The following SAMMSON variants were observed in gnomAD, a reference collection of about 807,000 sequenced individuals.
The protein encoded by SAMMSON is survival associated mitochondrial melanoma specific oncogenic non-coding RNA.
intron 1 of SAMMSON, chr3:70,009,012 T>C (rs1452896544): frequency 2.0e-5 from 3 of 152,200 alleles, no homozygotes; most frequent in Non-Finnish European, 4.4e-5. Flanking sequence ...GTGGATAAGC[T>C]TTTTGATGTG....
intron 4 of SAMMSON, among the ~76,000 whole-genome samples, chr3:70,191,836 T>A (rs946635168): frequency 6.6e-6 from 1 of 151,282 alleles, no homozygotes; most frequent in African/African-American, 2.4e-5. Context: ...ATTGGTTATT[T>A]GCCGTGTAAC....
chr3:70,031,971 C>T (rs1287618951), intron 3 of SAMMSON, among the ~76,000 whole-genome samples: 1 of 152,140 alleles, frequency 6.6e-6, no homozygotes, highest in Admixed American at 6.5e-5. Flanking sequence ...GTAAAGATTA[C>T]TTATGAGTTG....
At chr3:70,013,382 CTCAGTTATAG>C (rs2107577849) in intron 2 of SAMMSON, 1 of 152,220 alleles carries the variant, frequency 6.6e-6, no homozygotes, top group African/African-American at 2.4e-5. Flanking sequence ...ATAGTAAGTG[CTCAGTTATAG>C]TCAGTCATGT....
intron 4 of SAMMSON, among the ~76,000 whole-genome samples, chr3:70,184,552 C>T (rs924446620): frequency 6.6e-6 from 1 of 152,194 alleles, no homozygotes; most frequent in East Asian, 1.9e-4. Context: ...ATAGTTAACA[C>T]GTATCTTTAG....
At chr3:70,276,524 C>T (rs1359558282) in intron 6 of SAMMSON, among the ~76,000 whole-genome samples, 1 of 152,096 alleles carries the variant, frequency 6.6e-6, no homozygotes, top group East Asian at 1.9e-4. Flanking sequence ...ATGATTCATT[C>T]CATGTTTATT....
At chr3:70,234,639 C>CA (rs34609524) in intron 4 of SAMMSON, among the ~76,000 whole-genome samples, 3,243 of 118,732 alleles carry the variant, frequency 0.027, 116 homozygotes, top group Admixed American at 0.11. Context: ...GACCCTGGCT[C>CA]AAAAAAAAAA....
chr3:70,061,303 G>A (rs1381285388), intron 3 of SAMMSON, among the ~76,000 whole-genome samples: 1 of 152,134 alleles, frequency 6.6e-6, no homozygotes, highest in Non-Finnish European at 1.5e-5. Flanking sequence ...CCATGACCAA[G>A]TCTAGGGACC....
At chr3:70,129,269 A>G (rs1017670050) in intron 4 of SAMMSON, among the ~76,000 whole-genome samples, 1 of 152,190 alleles carries the variant, frequency 6.6e-6, no homozygotes, top group Non-Finnish European at 1.5e-5. Context: ...TTAAGTACTT[A>G]CTGTGTTCCA....
chr3:70,174,486 A>G (rs986811475), intron 4 of SAMMSON, among the ~76,000 whole-genome samples: 4 of 152,058 alleles, frequency 2.6e-5, no homozygotes, highest in African/African-American at 9.7e-5. Context: ...TAAGCAAGGC[A>G]TAACGTAGAG....
intron 3 of SAMMSON, among the ~76,000 whole-genome samples, chr3:70,020,069 A>G (rs569170550): frequency 6.6e-6 from 1 of 152,284 alleles, no homozygotes; most frequent in South Asian, 2.1e-4. Flanking sequence ...AGAGTTAAAA[A>G]TGCTCTTGTG....
intron 4 of SAMMSON, among the ~76,000 whole-genome samples, chr3:70,083,882 A>G (rs570735079): frequency 6.6e-6 from 1 of 152,146 alleles, no homozygotes; most frequent in South Asian, 2.1e-4. Context: ...TTCTAGTGAA[A>G]CTGTAAGCTG....
At chr3:70,346,530 T>C (rs910942699) in intron 7 of SAMMSON, among the ~76,000 whole-genome samples, 4 of 152,102 alleles carry the variant, frequency 2.6e-5, no homozygotes, top group Non-Finnish European at 4.4e-5. Context: ...CCTTTTAAAC[T>C]TTCCTCCATA....
At chr3:70,172,652 G>A (rs371985693) in intron 4 of SAMMSON, 1 of 151,984 alleles carries the variant, frequency 6.6e-6, no homozygotes, top group East Asian at 1.9e-4. Flanking sequence ...AAAAGGGGAA[G>A]GGCTAAGGGC....
At chr3:70,287,399 G>A (rs1226252490) in intron 6 of SAMMSON, among the ~76,000 whole-genome samples, 1 of 151,280 alleles carries the variant, frequency 6.6e-6, no homozygotes, top group African/African-American at 2.4e-5. Context: ...TGCATCCCAG[G>A]GATGAAGCCC....
intron 4 of SAMMSON, among the ~76,000 whole-genome samples, chr3:70,207,592 A>C (rs1455897715): frequency 6.6e-6 from 1 of 152,052 alleles, no homozygotes; most frequent in Non-Finnish European, 1.5e-5. Flanking sequence ...TCCCCAATAC[A>C]ACAAATCCTA....
intron 4 of SAMMSON, among the ~76,000 whole-genome samples, chr3:70,162,989 G>A (rs2067622089): frequency 1.3e-5 from 2 of 151,498 alleles, no homozygotes; most frequent in African/African-American, 4.8e-5. Flanking sequence ...TGTTTGCATG[G>A]TGTTCCTATT....
In SAMMSON at chr3:70,270,722, C is replaced by T. The variant is rs1232215374; in HGVS notation, n.675-20457C>T. ...TATGCAGCCATAAAAAGGACGAGTT[C>T]ATGTCCTTTGCCAGGACACGGTTGA... On this transcript the variant is annotated intron_variant and non_coding_transcript_variant, in intron 6 of 9. Transcript: ENST00000642114. Among the ~76,000 whole-genome samples the T allele has an allele frequency of 4.6e-5, 7 of 152,156 alleles. No individual in the cohort carries two copies. The East Asian group carries it at 1.3e-3, about 29-fold the overall frequency.
At chr3:70,206,424 G>A in intron 4 of SAMMSON, 1 of 392,968 alleles carries the variant, frequency 2.5e-6, no homozygotes, top group Non-Finnish European at 4.5e-6. Context: ...CTTGACATAT[G>A]TCATTCACCA....
At position 70,071,778 on chromosome 3, in the gene SAMMSON, A is replaced by G. The variant is rs564567557; in HGVS notation, n.507+213A>G. 4 of 152,076 alleles carry G rather than the reference A, an allele frequency of 2.6e-5. No individual in the cohort carries two copies. In the South Asian group the frequency reaches 8.3e-4, roughly 32 times the overall value. 9.4% of individuals were successfully genotyped at this position (152,076 alleles called of 1,614,324 possible). On this transcript the variant is annotated intron_variant and non_coding_transcript_variant, in intron 4 of 9. Transcript: ENST00000642114. The stretch of plus-strand genomic sequence containing the variant: ...CATGGATTTTTTTTTAAAGGTTTTA[A>G]CATTTGATAATAGGTTTTCCAATAG...
Sources: gnomAD v4.1 joint callset for allele counts (sites outside exome capture counted in the v4.1 genomes callset) on GRCh38, gnomAD v4.1.1 for gene constraint, MANE v1.5 for transcripts, NCBI Gene and HGNC (gene_info 2026-07-23, HGNC 2026-07-21) for gene names.